CSMD2: variants seen among roughly 807,000 people sequenced by gnomAD.
The protein encoded by CSMD2 is CUB and sushi domain-containing protein 2.
CSMD2 carries 130 observed loss-of-function variants against 398.5 expected under a neutral mutation model. The ratio of observed to expected loss-of-function variants is 0.33; its 90% CI spans 0.28 to 0.38. CSMD2 has a LOEUF of 0.38. CSMD2 is among the 10% of genes least tolerant of loss of function. CSMD2 has a pLI of 1.00. For synonymous variants in CSMD2, 1,828 were observed against 1,908.5 expected (o/e 0.96, Z 1.10); for missense variants, 3,829 against 4,764.9 (o/e 0.80, Z 5.78).
chr1:34,014,705 AC>A (rs1647839325), intron 3 of CSMD2, among the ~76,000 whole-genome samples: 1 of 152,242 alleles, frequency 6.6e-6, no homozygotes, highest in Non-Finnish European at 1.5e-5. Context: ...GGCTGGTGCT[AC>A]CCATGTGGGT....
chr1:33,519,761 G>A lies in CSMD2; in HGVS notation c.10736+51C>T. On this transcript the variant is annotated intron_variant, in intron 69 of 70. Coordinates refer to ENST00000373381, the MANE Select transcript of CSMD2 (RefSeq NM_001281956.2). The surrounding 1 kb of genome is among the most constrained non-coding windows in gnomAD (Gnocchi z 5.6). ...GGTCTGGTGCGGGGGGCCCTGGAGG[G>A]AGAGAGGGAGGCCTGCCTGATGCCC... 6.2e-7 allele frequency: 1 copy of A among 1,612,690 alleles called. No individual in the cohort carries two copies. Among genetic ancestry groups the A allele is most frequent in the Non-Finnish European group, 8.5e-7 (1 of 1,178,926 alleles).
intron 25 of CSMD2, among the ~76,000 whole-genome samples, chr1:33,679,138 A>G (rs868665143): frequency 6.6e-6 from 1 of 151,740 alleles, no homozygotes. Context: ...CTTGGAAGAA[A>G]TGTTTCCATA....
chr1:33,911,513 T>A (rs906296037), intron 5 of CSMD2, among the ~76,000 whole-genome samples: 2 of 151,908 alleles, frequency 1.3e-5, no homozygotes, highest in African/African-American at 2.4e-5. Context: ...GTCTGCAGAG[T>A]AGACAGTTTT....
intron 60 of CSMD2, 59 bp downstream of exon 60, chr1:33,540,466 G>A: frequency 6.3e-7 from 1 of 1,575,408 alleles, no homozygotes; most frequent in Non-Finnish European, 8.7e-7. Context: ...AAGCTCCGAG[G>A]AGGCAAGGGG....
At chr1:33,840,969 T>C (rs1038143929) in intron 6 of CSMD2, among the ~76,000 whole-genome samples, 3 of 152,252 alleles carry the variant, frequency 2.0e-5, no homozygotes, top group Non-Finnish European at 4.4e-5. Flanking sequence ...ACATGTTCAA[T>C]GGAAAACAGA....
chr1:33,935,612 C>G (rs193243441), intron 4 of CSMD2, 148 bp downstream of exon 4: 14 of 759,390 alleles, frequency 1.8e-5, no homozygotes, highest in Non-Finnish European at 2.9e-5. Context: ...ACTTGAGGAC[C>G]CTGAAAACCC....
intron 64 of CSMD2, among the ~76,000 whole-genome samples, chr1:33,530,425 T>C (rs946277830): frequency 1.3e-5 from 2 of 152,144 alleles, no homozygotes; most frequent in South Asian, 2.1e-4. Context: ...AGGACTATTA[T>C]AAATAAGATT....
At chr1:34,057,054 T>C (rs1284946404) in intron 2 of CSMD2, among the ~76,000 whole-genome samples, 1 of 152,176 alleles carries the variant, frequency 6.6e-6, no homozygotes, top group Non-Finnish European at 1.5e-5. Context: ...CAATGAACTA[T>C]GGATGTGGCA....
intron 44 of CSMD2, chr1:33,598,665 GTT>G (rs5773419): frequency 0.016 from 1,159 of 73,932 alleles, 8 homozygotes; most frequent in African/African-American, 0.056. Context: ...AGTTTCCTGT[GTT>G]TTTTTTTTTT....
In CSMD2 at chr1:33,611,147, A is replaced by C. The variant is rs754265920; in HGVS notation, c.6237T>G (p.Ser2079Arg). ...YETSRMMGRF[S>R]GSELPSSLLS... ...GGAGGGAGCTTGGAAGCTCGCTTCC[A>C]CTGAATCTTCCCATCATGCGGCTGG... The change falls in exon 41 of 71, where the codon AGT becomes AGG. Residue 2079 changes from serine (S) to arginine (R), a missense_variant. Transcript: ENST00000373381. 6.2e-7 allele frequency: 1 copy of C among 1,613,932 alleles called. No individual in the cohort carries two copies. The highest frequency in any genetic ancestry group is 1.3e-5 in the African/African-American group (1 of 74,884).
chr1:33,828,160 A>G (rs760642406), intron 6 of CSMD2, among the ~76,000 whole-genome samples: 4 of 152,216 alleles, frequency 2.6e-5, no homozygotes, highest in Non-Finnish European at 4.4e-5. Context: ...CGTTTTTATA[A>G]ATGTGCATTA....
intron 22 of CSMD2, among the ~76,000 whole-genome samples, chr1:33,706,223 A>G (rs1363735331): frequency 6.6e-6 from 1 of 152,210 alleles, no homozygotes; most frequent in Non-Finnish European, 1.5e-5. Flanking sequence ...TATTTGGCAC[A>G]TAAAGTTTTA....
At chr1:33,524,776 G>T in intron 66 of CSMD2, 106 bp downstream of exon 66, 1 of 1,161,288 alleles carries the variant, frequency 8.6e-7, no homozygotes, top group Non-Finnish European at 1.2e-6. Context: ...CACCAGACAA[G>T]TCTGAGCCTT....
intron 67 of CSMD2, 125 bp downstream of exon 67, chr1:33,523,182 G>T: frequency 1.7e-6 from 1 of 586,598 alleles, no homozygotes; most frequent in Non-Finnish European, 3.1e-6. Flanking sequence ...CTCCTAGGCA[G>T]GGCCCCACAG....
At chr1:34,092,287 A>G (rs1658661319) in intron 1 of CSMD2, among the ~76,000 whole-genome samples, 1 of 152,228 alleles carries the variant, frequency 6.6e-6, no homozygotes, top group Admixed American at 6.5e-5. Context: ...TTGACAAGTT[A>G]CAGAAAAGTT....
chr1:33,806,031 C>T (rs1377403409), intron 10 of CSMD2, among the ~76,000 whole-genome samples: 1 of 151,924 alleles, frequency 6.6e-6, no homozygotes, highest in Admixed American at 6.6e-5. Flanking sequence ...AAAATTCGGT[C>T]AATATAGCTT....
chr1:33,585,046 C>G (rs138094475), intron 46 of CSMD2, among the ~76,000 whole-genome samples: 2 of 152,288 alleles, frequency 1.3e-5, no homozygotes, highest in African/African-American at 4.8e-5. Flanking sequence ...CCATCCACCT[C>G]CATTTGTTTG....
chr1:34,112,220 G>C (rs2148446070), intron 1 of CSMD2, among the ~76,000 whole-genome samples: 1 of 152,256 alleles, frequency 6.6e-6, no homozygotes, highest in South Asian at 2.1e-4. Flanking sequence ...ACATGATCAG[G>C]CTGGGCATGT....
In CSMD2 at chr1:33,636,676, G is replaced by A. The variant is rs1026818653; in HGVS notation, c.4775-122C>T. The A allele has an allele frequency of 1.1e-5, 8 of 724,972 alleles. No homozygotes were observed. Among genetic ancestry groups the A allele is most frequent in the East Asian group, 5.4e-5 (2 of 36,878 alleles). 44.9% of individuals were successfully genotyped at this position (724,972 alleles called of 1,614,324 possible). A position where few individuals can be genotyped will look rare whatever the true frequency, so the allele number is the denominator to read the frequency against. ...TTAGCCACAGAGCACACGGGGATGC[G>A]TGACTGTGGCTCCTATTCCCCTCAG... On this transcript the variant is annotated intron_variant, in intron 29 of 70. Coordinates refer to ENST00000373381, the MANE Select transcript of CSMD2 (RefSeq NM_001281956.2). The surrounding 1 kb of genome is among the most constrained non-coding windows in gnomAD (Gnocchi z 4.8).
Sources: gnomAD v4.1 joint callset for allele counts (sites outside exome capture counted in the v4.1 genomes callset) on GRCh38, gnomAD v4.1.1 for gene constraint, Gnocchi (gnomAD v3.1) non-coding constraint, MANE v1.5 for transcripts, NCBI Gene and HGNC (gene_info 2026-07-23, HGNC 2026-07-21) for gene names.